HIBADH: variants seen among roughly 807,000 people sequenced by gnomAD.
HIBADH encodes 3-hydroxyisobutyrate dehydrogenase, mitochondrial.
HIBADH carries 25 observed loss-of-function variants against 36.1 expected under a neutral mutation model. The observed-to-expected ratio is 0.69, with a 90% CI of 0.50 to 0.97. HIBADH has a LOEUF of 0.97. Ranked by LOEUF, HIBADH falls within the 50% of genes least tolerant of loss-of-function variation. HIBADH has a pLI of 0.00. For missense variants in HIBADH, 421 were observed against 418.0 expected (o/e 1.01, Z -0.06); for synonymous variants, 160 against 149.5 (o/e 1.07, Z -0.51).
intron 4 of HIBADH, among the ~76,000 whole-genome samples, chr7:27,600,397 C>T (rs190717136): frequency 3.9e-5 from 6 of 152,180 alleles, no homozygotes; most frequent in Admixed American, 3.9e-4. Context: ...AAACAACCCA[C>T]TAAAGGTCTT....
At position 27,635,086 on chromosome 7, in the gene HIBADH, A is replaced by ATGTGTGTGTGTG. The variant is rs3072901; in HGVS notation, c.253-2653_253-2642dup. ...TCTCTCTTTCTCTCTCTCTCTGTGC[A>ATGTGTGTGTGTG]TGTGTGTGTGTGTGTGTGTGTGTGT... On this transcript the variant is annotated intron_variant, in intron 2 of 7. Coordinates refer to ENST00000265395, the MANE Select transcript of HIBADH (RefSeq NM_152740.4). 1.5e-3 allele frequency among the ~76,000 whole-genome samples: 224 copies of ATGTGTGTGTGTG among 149,772 alleles called. 1 individual carries two copies. The highest frequency in any genetic ancestry group is 3.7e-3 in the African/African-American group (152 of 40,688).
intron 2 of HIBADH, among the ~76,000 whole-genome samples, chr7:27,643,800 A>G (rs1037445287): frequency 6.6e-6 from 1 of 152,196 alleles, no homozygotes; most frequent in Non-Finnish European, 1.5e-5. Context: ...TGCCTTTTCC[A>G]GCTTCTGATG....
chr7:27,587,703 C>G (rs550424711), intron 4 of HIBADH, among the ~76,000 whole-genome samples: 34 of 152,272 alleles, frequency 2.2e-4, no homozygotes, highest in African/African-American at 7.9e-4. Flanking sequence ...TTTTCAATAA[C>G]TCATTTTAAC....
In HIBADH at chr7:27,613,374, T is replaced by TAGAC. The variant is rs1373733644; in HGVS notation, c.484+15996_484+15997insGTCT. 1.6e-3 allele frequency among the ~76,000 whole-genome samples: 86 copies of TAGAC among 54,450 alleles called. 1 individual carries two copies. The highest frequency in any genetic ancestry group is 8.7e-3 in the African/African-American group (80 of 9,228). The allele number at this position is 54,450 out of a possible 152,430, so 35.7% of individuals were successfully genotyped here. Reference sequence around the variant, plus strand: ...GATGGTAGAAAGAGCCTCGTTTAGATAGATAGACAGATAAAGCACAACAAC... The same window carrying TAGAC: ...GATGGTAGAAAGAGCCTCGTTTAGATAGACAGATAGACAGATAAAGCACAACAAC... On this transcript the variant is annotated intron_variant, in intron 4 of 7. Coordinates refer to ENST00000265395, the MANE Select transcript of HIBADH (RefSeq NM_152740.4).
chr7:27,642,186 C>G (rs1343841659), intron 2 of HIBADH, among the ~76,000 whole-genome samples: 1 of 151,578 alleles, frequency 6.6e-6, no homozygotes, highest in Non-Finnish European at 1.5e-5. Flanking sequence ...TGTCCTGGAA[C>G]CCTCAAATTT....
chr7:27,526,410 T>C (rs745791864), intron 7 of HIBADH, 38 bp from the exon 8 acceptor site: 60 of 1,554,984 alleles, frequency 3.9e-5, no homozygotes, highest in Non-Finnish European at 4.8e-5. Context: ...CTGAGACTGG[T>C]GGTAAAGGCT....
At chr7:27,557,002 T>A (rs1381693054) in intron 4 of HIBADH, among the ~76,000 whole-genome samples, 1 of 152,000 alleles carries the variant, frequency 6.6e-6, no homozygotes, top group East Asian at 1.9e-4. Flanking sequence ...TAGCTGAACA[T>A]GGTAACACAT....
At chr7:27,632,530 T>C (rs1290479770) in intron 2 of HIBADH, 85 bp from the exon 3 acceptor site, 3 of 799,314 alleles carry the variant, frequency 3.8e-6, no homozygotes, top group Non-Finnish European at 6.5e-6. Flanking sequence ...TTTTCATGCA[T>C]GCCTATAACA....
chr7:27,629,049 AC>A (rs1180360601), intron 4 of HIBADH, among the ~76,000 whole-genome samples: 1 of 152,042 alleles, frequency 6.6e-6, no homozygotes, highest in Non-Finnish European at 1.5e-5. Context: ...TTTAACAGTT[AC>A]AGGATTATTT....
chr7:27,573,153 A>T (rs962490474), intron 4 of HIBADH, among the ~76,000 whole-genome samples: 1 of 152,210 alleles, frequency 6.6e-6, no homozygotes, highest in Non-Finnish European at 1.5e-5. Flanking sequence ...TGAATTTAGA[A>T]CAAACAAAAC....
At chr7:27,529,448 A>C (rs548513225) in intron 7 of HIBADH, among the ~76,000 whole-genome samples, 88 of 152,330 alleles carry the variant, frequency 5.8e-4, no homozygotes, top group African/African-American at 2.0e-3. Context: ...AGTTTGAAAG[A>C]AGCTGATTCC....
chr7:27,626,194 T>A (rs1191267275), intron 4 of HIBADH, among the ~76,000 whole-genome samples: 1 of 150,070 alleles, frequency 6.7e-6, no homozygotes, highest in East Asian at 2.0e-4. Context: ...TATTAGGCAG[T>A]GCATGCCAGT....
chr7:27,658,794 A>G (rs1386021899), intron 1 of HIBADH, among the ~76,000 whole-genome samples: 2 of 152,144 alleles, frequency 1.3e-5, no homozygotes, highest in Non-Finnish European at 2.9e-5. Context: ...TACATTTTTT[A>G]TATCTATTTT....
chr7:27,649,523 AAATAAT>A lies in HIBADH; in HGVS notation c.196_201del (p.Ile66_Ile67del). ...TTGCAGGCATCAGGGAACACATCAT[AAATAAT>A]AAGTGGATAGCCATGTTTCATGAGA... On this transcript the variant is annotated inframe_deletion, in exon 2 of 8. Transcript: ENST00000265395. The A allele has an allele frequency of 1.2e-6, 2 of 1,613,942 alleles. No individual in the cohort carries two copies. The highest frequency in any genetic ancestry group is 1.7e-6 in the Non-Finnish European group (2 of 1,179,894).
At chr7:27,618,823 T>A (rs1347477446) in intron 4 of HIBADH, among the ~76,000 whole-genome samples, 1 of 152,056 alleles carries the variant, frequency 6.6e-6, no homozygotes, top group African/African-American at 2.4e-5. Context: ...GCATATTACA[T>A]GGCCAGAGTG....
At chr7:27,574,125 G>A (rs1784668453) in intron 4 of HIBADH, among the ~76,000 whole-genome samples, 1 of 152,072 alleles carries the variant, frequency 6.6e-6, no homozygotes, top group Non-Finnish European at 1.5e-5. Context: ...CTTGATTGAA[G>A]GAGTCCAATA....
chr7:27,538,595 A>G (rs987099794), intron 5 of HIBADH, among the ~76,000 whole-genome samples, 178 bp from the exon 6 acceptor site: 2 of 152,164 alleles, frequency 1.3e-5, no homozygotes, highest in African/African-American at 4.8e-5. Context: ...CTCACATGCT[A>G]TCCCAGAGCA....
chr7:27,643,798 C>T (rs1434831037), intron 2 of HIBADH, among the ~76,000 whole-genome samples: 8 of 152,314 alleles, frequency 5.3e-5, no homozygotes, highest in Admixed American at 5.2e-4. Context: ...TTTGCCTTTT[C>T]CAGCTTCTGA....
At chr7:27,645,119 A>G (rs558968281) in intron 2 of HIBADH, among the ~76,000 whole-genome samples, 1 of 152,318 alleles carries the variant, frequency 6.6e-6, no homozygotes, top group Non-Finnish European at 1.5e-5. Flanking sequence ...GTTGCTAAAT[A>G]CATGTTTCCG....
Sources: allele counts gnomAD v4.1 joint callset (sites outside exome capture counted in the v4.1 genomes callset), GRCh38; gene constraint gnomAD v4.1.1; transcripts MANE v1.5; gene names NCBI Gene and HGNC (gene_info 2026-07-23, HGNC 2026-07-21).